LARP1: variants seen among roughly 807,000 people sequenced by gnomAD.
LARP1 encodes La ribonucleoprotein 1, translational regulator.
Under a neutral mutation model 122.7 loss-of-function variants are expected in LARP1, and 36 were observed. That is an observed-to-expected ratio of 0.29 (90% CI 0.22 to 0.39). The LOEUF (loss-of-function observed/expected upper bound fraction) is 0.39, where lower values mean the gene tolerates loss of function less well. Ranked by LOEUF, LARP1 falls within the 10% of genes least tolerant of loss-of-function variation. The pLI, the probability that LARP1 is intolerant of heterozygous loss-of-function variation, is 1.00. For synonymous variants in LARP1, 539 were observed against 528.7 expected (o/e 1.02, Z -0.27); for missense variants, 1,040 against 1,403.6 (o/e 0.74, Z 4.14).
intron 1 of LARP1, among the ~76,000 whole-genome samples, chr5:154,757,913 C>T (rs1400304727): frequency 7.3e-6 from 1 of 136,580 alleles, no homozygotes; most frequent in African/African-American, 2.7e-5. Flanking sequence ...TCCTCCCCTT[C>T]CCCCCTTTCC....
chr5:154,772,980 CTTTTTTTTTT>C (rs545991732), intron 1 of LARP1, among the ~76,000 whole-genome samples: 4 of 115,110 alleles, frequency 3.5e-5, no homozygotes, highest in Admixed American at 1.9e-4. Context: ...CGCACCTGGC[CTTTTTTTTTT>C]TTTTTTTTTT....
intron 1 of LARP1, among the ~76,000 whole-genome samples, chr5:154,707,404 A>C (rs1755002903): frequency 6.6e-6 from 1 of 152,154 alleles, no homozygotes; most frequent in South Asian, 2.1e-4. Context: ...CTCTATCTTC[A>C]TTGATTTGTG....
intron 1 of LARP1, chr5:154,713,150 G>A (rs199656434): frequency 3.0e-4 from 483 of 1,599,766 alleles, no homozygotes; most frequent in Non-Finnish European, 3.8e-4. Flanking sequence ...AGCACTCTGC[G>A]TTTCTTGAAC....
At chr5:154,750,839 C>T (rs892580374), upstream of LARP1, among the ~76,000 whole-genome samples, 3 of 152,008 alleles carry the variant, frequency 2.0e-5, no homozygotes, top group Non-Finnish European at 2.9e-5. Context: ...TCTCAAATTC[C>T]CGGGCTCAAG....
intron 1 of LARP1, among the ~76,000 whole-genome samples, chr5:154,787,917 C>T (rs911267354): frequency 6.6e-6 from 1 of 152,220 alleles, no homozygotes; most frequent in Non-Finnish European, 1.5e-5. Context: ...ACTTTACCAT[C>T]TCCTTTTGTG....
At chr5:154,690,654 G>T (rs1215732114) in intron 1 of LARP1, among the ~76,000 whole-genome samples, 1 of 152,326 alleles carries the variant, frequency 6.6e-6, no homozygotes, top group Middle Eastern at 3.4e-3. Context: ...TGAGCAGCAG[G>T]CGGAGGCTTT....
chr5:154,792,091 T>G (rs1331793746), intron 3 of LARP1: 2 of 420,388 alleles, frequency 4.8e-6, no homozygotes, highest in African/African-American at 4.1e-5. Context: ...GAGTGGTCAT[T>G]AGGCCAAGCA....
In LARP1 at chr5:154,806,040, G is replaced by A. The variant is rs770000003; in HGVS notation, c.2698+8G>A. 2.5e-6 allele frequency: 4 copies of A among 1,613,612 alleles called. No individual in the cohort carries two copies. The highest frequency in any genetic ancestry group is 3.4e-6 in the Non-Finnish European group (4 of 1,179,734). On this transcript the variant is annotated splice_region_variant and intron_variant, in intron 15 of 18. Coordinates refer to ENST00000518297, the MANE Select transcript of LARP1 (RefSeq NM_033551.3). ...GTAGGCGCTGCCTTAATGGTAAGAA[G>A]TGTGGGGGGCAGGAGATGAGCCTCT... is the stretch of plus-strand genomic sequence containing the variant.
intron 1 of LARP1, among the ~76,000 whole-genome samples, chr5:154,686,457 G>T (rs1012544972): frequency 7.9e-5 from 12 of 152,216 alleles, no homozygotes; most frequent in African/African-American, 2.9e-4. Context: ...CACAAATTGT[G>T]ATCAGCAGAG....
At chr5:154,734,956 C>T (rs1323730566) in intron 1 of LARP1, among the ~76,000 whole-genome samples, 1 of 152,124 alleles carries the variant, frequency 6.6e-6, no homozygotes, top group Non-Finnish European at 1.5e-5. Context: ...TTTCATTTAG[C>T]ATAATGTCTT....
chr5:154,781,081 A>C (rs1305530523), intron 1 of LARP1, among the ~76,000 whole-genome samples: 3 of 152,086 alleles, frequency 2.0e-5, no homozygotes, highest in African/African-American at 7.2e-5. Flanking sequence ...AAAATAAAAA[A>C]ATGAGTTTGT....
intron 8 of LARP1, among the ~76,000 whole-genome samples, chr5:154,798,015 A>G (rs1758029785): frequency 2.0e-5 from 3 of 152,202 alleles, no homozygotes; most frequent in Admixed American, 1.3e-4. Context: ...ACTACCACTG[A>G]AAACAGTTTT....
intron 1 of LARP1, among the ~76,000 whole-genome samples, chr5:154,695,732 G>A (rs1470193966): frequency 6.6e-6 from 1 of 152,036 alleles, no homozygotes; most frequent in Non-Finnish European, 1.5e-5. Flanking sequence ...AAGTAGCCAG[G>A]CGTGGTGACG....
At chr5:154,746,575 C>T (rs896914485) in intron 1 of LARP1, among the ~76,000 whole-genome samples, 1 of 152,194 alleles carries the variant, frequency 6.6e-6, no homozygotes, top group Non-Finnish European at 1.5e-5. Context: ...CTTGATTCTG[C>T]TGCCCTGGCA....
At chr5:154,795,935 TTA>T (rs1176369041) in intron 8 of LARP1, among the ~76,000 whole-genome samples, 10 of 120,052 alleles carry the variant, frequency 8.3e-5, no homozygotes, top group East Asian at 8.3e-4. Context: ...TATTTATATA[TTA>T]TATATTTATA....
At chr5:154,687,286 T>A (rs1753980607) in intron 1 of LARP1, among the ~76,000 whole-genome samples, 1 of 152,238 alleles carries the variant, frequency 6.6e-6, no homozygotes, top group Non-Finnish European at 1.5e-5. Flanking sequence ...ATGAAGATAA[T>A]AATCTGTAGT....
At chr5:154,780,461 A>G (rs1280332184) in intron 1 of LARP1, among the ~76,000 whole-genome samples, 1 of 152,204 alleles carries the variant, frequency 6.6e-6, no homozygotes, top group Non-Finnish European at 1.5e-5. Flanking sequence ...GTGAGTGGAT[A>G]TAGTTGGGCA....
At chr5:154,723,316 C>G (rs1312725973) in intron 1 of LARP1, among the ~76,000 whole-genome samples, 1 of 152,178 alleles carries the variant, frequency 6.6e-6, no homozygotes, top group Non-Finnish European at 1.5e-5. Flanking sequence ...ATATAGAACC[C>G]TTGGGCCATA....
intron 1 of LARP1, among the ~76,000 whole-genome samples, chr5:154,687,628 G>C (rs1561525541): frequency 6.6e-6 from 1 of 152,108 alleles, no homozygotes; most frequent in Non-Finnish European, 1.5e-5. Context: ...TGATCTGCCT[G>C]CATCGGCCTC....
Sources: gnomAD v4.1 joint callset for allele counts (sites outside exome capture counted in the v4.1 genomes callset) on GRCh38, gnomAD v4.1.1 for gene constraint, MANE v1.5 for transcripts, NCBI Gene and HGNC (gene_info 2026-07-23, HGNC 2026-07-21) for gene names.